LGSN: variants seen among roughly 807,000 people sequenced by gnomAD.
LGSN encodes lengsin, lens protein with glutamine synthetase domain, also known as lengsin.
LGSN carries 21 observed loss-of-function variants against 19.5 expected under a neutral mutation model. The observed-to-expected ratio is 1.07, with a 90% CI of 0.76 to 1.55. LGSN has a LOEUF of 1.55. Among genes scored for constraint, LGSN ranks in the 40% most tolerant of loss-of-function variants. The pLI is 0.00. For missense variants in LGSN, 673 were observed against 608.5 expected, an observed-to-expected ratio of 1.11 and a Z score of -1.12; for synonymous variants, 257 against 215.6, an observed-to-expected ratio of 1.19 and a Z score of -1.68.
the LGSN span, among the ~76,000 whole-genome samples, chr6:63,529,167 A>G: frequency 2.0e-5 from 3 of 147,202 alleles, no homozygotes; most frequent in South Asian, 2.1e-4. Flanking sequence ...ATGTGTGTAT[A>G]TATATATATG....
At chr6:63,356,923 T>A in the LGSN span, among the ~76,000 whole-genome samples, 4 of 152,068 alleles carry the variant, frequency 2.6e-5, no homozygotes, top group Non-Finnish European at 5.9e-5. Flanking sequence ...GTTGGTATGC[T>A]GCACCCATTA....
chr6:63,482,081 C>T, the LGSN span, among the ~76,000 whole-genome samples: 3 of 152,284 alleles, frequency 2.0e-5, no homozygotes, highest in South Asian at 6.2e-4. Context: ...TTCAACAGAA[C>T]TCCATCCTTT....
chr6:63,452,028 G>A, the LGSN span, among the ~76,000 whole-genome samples: 2 of 148,416 alleles, frequency 1.3e-5, no homozygotes, highest in East Asian at 4.0e-4. Context: ...TTGTTTATGA[G>A]AAATATTAGA....
At chr6:63,424,428 A>G in the LGSN span, among the ~76,000 whole-genome samples, 1 of 152,004 alleles carries the variant, frequency 6.6e-6, no homozygotes, top group African/African-American at 2.4e-5. Flanking sequence ...ATTCTACACA[A>G]TATCTTCCAG....
the LGSN span, among the ~76,000 whole-genome samples, chr6:63,475,042 T>C: frequency 1.3e-5 from 2 of 152,070 alleles, no homozygotes; most frequent in Non-Finnish European, 2.9e-5. Context: ...TTGTAGACGT[T>C]CAACTAAAAA....
chr6:63,313,179 T>C (rs1278671589), intron 1 of LGSN, among the ~76,000 whole-genome samples: 2 of 152,154 alleles, frequency 1.3e-5, no homozygotes, highest in Non-Finnish European at 2.9e-5. Context: ...AAACCCACCA[T>C]AGTTAATGAG....
the LGSN span, among the ~76,000 whole-genome samples, chr6:63,572,955 A>T: frequency 2.0e-5 from 3 of 151,868 alleles, no homozygotes; most frequent in Admixed American, 6.5e-5. Context: ...TGGCCGCCGG[A>T]GGCACCGGCT....
chr6:63,496,201 A>G, the LGSN span, among the ~76,000 whole-genome samples: 1 of 152,246 alleles, frequency 6.6e-6, no homozygotes, highest in African/African-American at 2.4e-5. Context: ...CTGGGATTAC[A>G]GGCGTGAGCC....
At chr6:63,318,277 C>T (rs1768941971) in intron 1 of LGSN, among the ~76,000 whole-genome samples, 1 of 152,210 alleles carries the variant, frequency 6.6e-6, no homozygotes, top group Non-Finnish European at 1.5e-5. Flanking sequence ...TCGGAATCCA[C>T]TGAGCTTTTG....
chr6:63,279,145 G>A lies in LGSN; in HGVS notation c.*876C>T, dbSNP rs1767190889. On this transcript the variant is annotated 3_prime_UTR_variant, in exon 4 of 4. Coordinates refer to ENST00000370657, the MANE Select transcript of LGSN (RefSeq NM_016571.3). The stretch of plus-strand genomic sequence containing the variant: ...AAACTTAAACTCCAAACATAGCCCT[G>A]GCTAGCCAGGCAGTTGTTCTCACAC... 6.6e-6 allele frequency: 1 copy of A among 152,166 alleles called. No individual in the cohort carries two copies. Among genetic ancestry groups the A allele is most frequent in the Non-Finnish European group, 1.5e-5 (1 of 68,040 alleles). 9.4% of individuals were successfully genotyped at this position (152,166 alleles called of 1,614,324 possible). A position where few individuals can be genotyped will look rare whatever the true frequency, so the allele number is the denominator to read the frequency against.
At chr6:63,313,658 G>A (rs1321075286) in intron 1 of LGSN, among the ~76,000 whole-genome samples, 3 of 151,708 alleles carry the variant, frequency 2.0e-5, no homozygotes, top group Non-Finnish European at 4.4e-5. Flanking sequence ...AACATAACAA[G>A]ACCCCCATCT....
chr6:63,332,914 G>A, the LGSN span, among the ~76,000 whole-genome samples: 4 of 151,980 alleles, frequency 2.6e-5, no homozygotes, highest in South Asian at 2.1e-4. Context: ...ACGGACCCTC[G>A]CGGTGAGTGT....
At chr6:63,402,176 T>G in the LGSN span, among the ~76,000 whole-genome samples, 1 of 152,314 alleles carries the variant, frequency 6.6e-6, no homozygotes, top group East Asian at 1.9e-4. Context: ...GAAATATATA[T>G]AGTTGTCAGG....
At chr6:63,511,336 C>T in the LGSN span, among the ~76,000 whole-genome samples, 1 of 151,538 alleles carries the variant, frequency 6.6e-6, no homozygotes, top group East Asian at 1.9e-4. Context: ...TCACTGAAAC[C>T]TCCGCCTCCT....
chr6:63,428,027 T>A, the LGSN span, among the ~76,000 whole-genome samples: 1 of 152,128 alleles, frequency 6.6e-6, no homozygotes, highest in Admixed American at 6.5e-5. Flanking sequence ...AATTACGCTG[T>A]TTTTATCACA....
At chr6:63,519,212 C>A in the LGSN span, among the ~76,000 whole-genome samples, 1 of 151,752 alleles carries the variant, frequency 6.6e-6, no homozygotes, top group Non-Finnish European at 1.5e-5. Flanking sequence ...AAGGCTGTGG[C>A]GGGAGAATCA....
the LGSN span, among the ~76,000 whole-genome samples, chr6:63,408,779 T>C: frequency 3.9e-4 from 59 of 151,888 alleles, 1 homozygote; most frequent in East Asian, 0.011. Context: ...GCAACCTACT[T>C]ATCTGACAAA....
At chr6:63,404,242 G>A in the LGSN span, among the ~76,000 whole-genome samples, 1 of 152,032 alleles carries the variant, frequency 6.6e-6, no homozygotes, top group African/African-American at 2.4e-5. Context: ...CATAACAATA[G>A]ATAAATTATG....
the LGSN span, among the ~76,000 whole-genome samples, chr6:63,328,627 T>C: frequency 6.6e-6 from 1 of 152,250 alleles, no homozygotes; most frequent in African/African-American, 2.4e-5. Context: ...GGTATGCCAC[T>C]GGTTGTGGGG....
Sources: gnomAD v4.1 joint callset for allele counts (sites outside exome capture counted in the v4.1 genomes callset) on GRCh38, gnomAD v4.1.1 for gene constraint, MANE v1.5 for transcripts, NCBI Gene and HGNC (gene_info 2026-07-23, HGNC 2026-07-21) for gene names.